GOLM2: variants seen among roughly 807,000 people sequenced by gnomAD.
GOLM2 encodes the protein protein GOLM2.
GOLM2 carries 26 observed loss-of-function variants against 55.9 expected under a neutral mutation model. The ratio of observed to expected loss-of-function variants is 0.47; its 90% CI spans 0.34 to 0.65. The LOEUF is 0.65. Ranked by LOEUF, GOLM2 falls within the 30% of genes least tolerant of loss-of-function variation. The pLI, the probability that GOLM2 is intolerant of heterozygous loss-of-function variation, is 0.01. For missense variants in GOLM2, 486 were observed against 531.8 expected (o/e 0.91, Z 0.85); for synonymous variants, 165 against 194.6 (o/e 0.85, Z 1.27).
chr15:44,312,844 G>A (rs1426782135), intron 1 of GOLM2, among the ~76,000 whole-genome samples: 1 of 152,164 alleles, frequency 6.6e-6, no homozygotes, highest in Non-Finnish European at 1.5e-5. Flanking sequence ...ACTTTGGGAG[G>A]CCGAGGCAGG....
At chr15:44,320,236 C>T (rs778294995) in intron 1 of GOLM2, among the ~76,000 whole-genome samples, 32 of 152,158 alleles carry the variant, frequency 2.1e-4, no homozygotes, top group Non-Finnish European at 4.1e-4. Context: ...CAAGCTCATC[C>T]ATATTTTATC....
chr15:44,321,212 C>T (rs2078946113), intron 1 of GOLM2, among the ~76,000 whole-genome samples: 1 of 152,046 alleles, frequency 6.6e-6, no homozygotes, highest in Non-Finnish European at 1.5e-5. Flanking sequence ...TGCCTCACTC[C>T]TGTAATCCCA....
At chr15:44,318,058 A>T (rs895935956) in intron 1 of GOLM2, among the ~76,000 whole-genome samples, 1 of 152,254 alleles carries the variant, frequency 6.6e-6, no homozygotes, top group African/African-American at 2.4e-5. Flanking sequence ...TTTGCAGGCC[A>T]TATAGTCTCT....
intron 8 of GOLM2, chr15:44,390,454 A>G (rs1277986687): frequency 2.0e-5 from 3 of 152,222 alleles, no homozygotes; most frequent in African/African-American, 7.2e-5. Flanking sequence ...GCTTTTCTGT[A>G]TAGCAGCAGG....
In GOLM2 at chr15:44,369,067, T is replaced by TATATATA. The variant is rs1555424961; in HGVS notation, c.803-10623_803-10622insATATATA. 7.0e-4 allele frequency among the ~76,000 whole-genome samples: 16 copies of TATATATA among 22,978 alleles called. 1 individual carries two copies. Among genetic ancestry groups the TATATATA allele is most frequent in the African/African-American group, 2.1e-3 (14 of 6,534 alleles). 15.1% of individuals were successfully genotyped at this position (22,978 alleles called of 152,430 possible). A position where few individuals can be genotyped will look rare whatever the true frequency, so the allele number is the denominator to read the frequency against. ...AGATATATACATATAATAGGATATATTATATATATATATATATATATATAT... is the reference window on the plus strand; with the variant it reads ...AGATATATACATATAATAGGATATATATATATATATATATATATATATATATATATAT... On this transcript the variant is annotated intron_variant, in intron 6 of 9. Transcript: ENST00000299957.
intron 6 of GOLM2, among the ~76,000 whole-genome samples, chr15:44,374,470 G>A (rs1481443820): frequency 6.6e-6 from 1 of 151,870 alleles, no homozygotes; most frequent in African/African-American, 2.4e-5. Context: ...GCAATATAGT[G>A]AGACCCCATC....
intron 6 of GOLM2, among the ~76,000 whole-genome samples, chr15:44,368,942 T>G (rs558337140): frequency 3.8e-4 from 56 of 149,048 alleles, no homozygotes; most frequent in Non-Finnish European, 6.1e-4. Context: ...TGCCTTCTTT[T>G]AAAGTGTGTC....
At chr15:44,326,945 C>A (rs1454648466) in intron 2 of GOLM2, among the ~76,000 whole-genome samples, 1 of 150,674 alleles carries the variant, frequency 6.6e-6, no homozygotes, top group Admixed American at 6.6e-5. Context: ...AGCCACCGTG[C>A]CCAGCCAACA....
intron 6 of GOLM2, among the ~76,000 whole-genome samples, chr15:44,369,116 T>TAC (rs1491038763): frequency 4.2e-5 from 4 of 95,776 alleles, no homozygotes; most frequent in African/African-American, 7.9e-5. Flanking sequence ...TATATATATA[T>TAC]ACCCGGCTAC....
At chr15:44,345,503 G>A (rs1267984000) in intron 6 of GOLM2, among the ~76,000 whole-genome samples, 5 of 152,006 alleles carry the variant, frequency 3.3e-5, no homozygotes, top group Admixed American at 6.6e-5. Context: ...CAGGTAATCC[G>A]TCCGCCTCGG....
chr15:44,335,237 G>A (rs1286650149), intron 4 of GOLM2, among the ~76,000 whole-genome samples: 1 of 152,040 alleles, frequency 6.6e-6, no homozygotes, highest in Non-Finnish European at 1.5e-5. Flanking sequence ...TAACATTAGG[G>A]AAAACTGAGT....
At chr15:44,304,641 C>T (rs1303007496) in intron 1 of GOLM2, among the ~76,000 whole-genome samples, 2 of 152,146 alleles carry the variant, frequency 1.3e-5, no homozygotes, top group Admixed American at 1.3e-4. Context: ...GTAGCCTCAA[C>T]CTCCTGGGGT....
intron 1 of GOLM2, among the ~76,000 whole-genome samples, chr15:44,304,397 A>G (rs191207498): frequency 6.7e-6 from 1 of 148,228 alleles, no homozygotes; most frequent in Admixed American, 6.7e-5. Context: ...GCCCACCACC[A>G]CACCTGGCTA....
At chr15:44,306,036 C>T (rs745822073) in intron 1 of GOLM2, among the ~76,000 whole-genome samples, 3 of 152,130 alleles carry the variant, frequency 2.0e-5, no homozygotes, top group African/African-American at 4.8e-5. Context: ...GGTAAGTGAG[C>T]GTTGGCTTCC....
chr15:44,331,066 G>A (rs2141139462), intron 3 of GOLM2, among the ~76,000 whole-genome samples: 1 of 152,236 alleles, frequency 6.6e-6, no homozygotes, highest in Middle Eastern at 3.4e-3. Context: ...CAGGCTGGGA[G>A]TGCAGTGGCA....
At chr15:44,355,647 CA>C in intron 6 of GOLM2, 1 of 228,560 alleles carries the variant, frequency 4.4e-6, no homozygotes, top group South Asian at 5.7e-5. Context: ...TTTGCTACAG[CA>C]ACGGGGTGGT....
chr15:44,337,965 A>AT, intron 5 of GOLM2, 58 bp downstream of exon 5: 1 of 1,436,304 alleles, frequency 7.0e-7, no homozygotes, highest in Non-Finnish European at 9.5e-7. Flanking sequence ...TTTTCTTCCC[A>AT]TTTTGAAGTG....
chr15:44,385,298 C>T (rs902668682), intron 8 of GOLM2, among the ~76,000 whole-genome samples: 3 of 151,856 alleles, frequency 2.0e-5, no homozygotes, highest in Middle Eastern at 3.2e-3. Flanking sequence ...CCACCAGCAA[C>T]GTATAAGAGT....
intron 1 of GOLM2, among the ~76,000 whole-genome samples, chr15:44,299,967 A>G (rs114265131): frequency 0.1 from 14,892 of 146,642 alleles, 1,681 homozygotes; most frequent in African/African-American, 0.27. Context: ...GGGCATGGTG[A>G]CACATGCCCA....
Sources: allele counts gnomAD v4.1 joint callset (sites outside exome capture counted in the v4.1 genomes callset), GRCh38; gene constraint gnomAD v4.1.1; transcripts MANE v1.5; gene names NCBI Gene and HGNC (gene_info 2026-07-23, HGNC 2026-07-21).